CTNNA3: variants seen among roughly 807,000 people sequenced by gnomAD.
The protein encoded by CTNNA3 is catenin alpha-3.
Under a neutral mutation model 95.7 loss-of-function variants are expected in CTNNA3, and 76 were observed. That is an observed-to-expected ratio of 0.79 (90% CI 0.66 to 0.96). The LOEUF (loss-of-function observed/expected upper bound fraction) is 0.96, where lower values mean the gene tolerates loss of function less well. Ranked by LOEUF, CTNNA3 falls within the 40% of genes least tolerant of loss-of-function variation. The pLI is 0.00. For missense variants in CTNNA3, 1,191 were observed against 1,089.8 expected, an observed-to-expected ratio of 1.09 and a Z score of -1.31; for synonymous variants, 431 against 374.4, an observed-to-expected ratio of 1.15 and a Z score of -1.74.
At chr10:66,298,872 A>AT (rs2091821229) in intron 12 of CTNNA3, among the ~76,000 whole-genome samples, 1 of 152,206 alleles carries the variant, frequency 6.6e-6, no homozygotes, top group African/African-American at 2.4e-5. Flanking sequence ...CGAAAGGAAA[A>AT]TAAATCTTGG....
At chr10:67,643,524 C>G (rs1197530515) in intron 2 of CTNNA3, among the ~76,000 whole-genome samples, 3 of 151,834 alleles carry the variant, frequency 2.0e-5, no homozygotes, top group Admixed American at 2.0e-4. Context: ...TTCAAATAAA[C>G]AGGTTACTCT....
chr10:67,694,286 T>C (rs965158722), intron 1 of CTNNA3, among the ~76,000 whole-genome samples: 1 of 152,000 alleles, frequency 6.6e-6, no homozygotes, highest in African/African-American at 2.4e-5. Context: ...AGAGATTCCA[T>C]CCTTCTAAAC....
chr10:67,760,417 C>G (rs1841456217), intron 1 of CTNNA3, among the ~76,000 whole-genome samples: 1 of 152,130 alleles, frequency 6.6e-6, no homozygotes, highest in African/African-American at 2.4e-5. Flanking sequence ...AAGTTATACC[C>G]CTGTCTGCCA....
chr10:66,635,037 G>C (rs951810891), intron 9 of CTNNA3, among the ~76,000 whole-genome samples: 1 of 152,004 alleles, frequency 6.6e-6, no homozygotes, highest in Non-Finnish European at 1.5e-5. Flanking sequence ...ATATATAACT[G>C]TAAATGGACA....
chr10:66,437,018 C>T (rs575070288), intron 11 of CTNNA3, among the ~76,000 whole-genome samples: 1 of 152,092 alleles, frequency 6.6e-6, no homozygotes, highest in African/African-American at 2.4e-5. Flanking sequence ...TATCAGCCCC[C>T]ACCCTCTTCT....
At chr10:66,499,589 C>A (rs913022517) in intron 11 of CTNNA3, among the ~76,000 whole-genome samples, 1 of 152,044 alleles carries the variant, frequency 6.6e-6, no homozygotes. Context: ...TAATAGAGAA[C>A]AATAGGCTGA....
At chr10:66,610,612 T>G (rs1052943456) in intron 10 of CTNNA3, among the ~76,000 whole-genome samples, 3 of 152,092 alleles carry the variant, frequency 2.0e-5, no homozygotes, top group Non-Finnish European at 4.4e-5. Flanking sequence ...ATAGCTATTA[T>G]TAAAAGGACA....
At chr10:66,186,276 A>ATGTG (rs1377299893) in intron 13 of CTNNA3, among the ~76,000 whole-genome samples, 1 of 111,846 alleles carries the variant, frequency 8.9e-6, no homozygotes, top group South Asian at 4.0e-4. Context: ...ACAAAATAAA[A>ATGTG]TGTGAGTGTG....
chr10:66,753,290 G>A (rs1264820943), intron 9 of CTNNA3, among the ~76,000 whole-genome samples: 1 of 152,104 alleles, frequency 6.6e-6, no homozygotes, highest in Admixed American at 6.6e-5. Flanking sequence ...TGTATATACA[G>A]CCCTTTCATG....
At chr10:67,389,016 A>C (rs1844326146) in intron 5 of CTNNA3, among the ~76,000 whole-genome samples, 1 of 151,628 alleles carries the variant, frequency 6.6e-6, no homozygotes, top group South Asian at 2.1e-4. Flanking sequence ...CGAGCAAAAT[A>C]ACCAGCTAAC....
intron 7 of CTNNA3, among the ~76,000 whole-genome samples, chr10:66,836,859 C>T (rs895535138): frequency 1.3e-5 from 2 of 151,960 alleles, no homozygotes; most frequent in African/African-American, 4.8e-5. Context: ...TGTGTTGCCT[C>T]GGTGAAATCA....
chr10:66,926,678 A>G, intron 7 of CTNNA3: 1 of 1,430,154 alleles, frequency 7.0e-7, no homozygotes, highest in Non-Finnish European at 9.8e-7. Flanking sequence ...ATTATTTTAG[A>G]GATTACCTTG....
intron 5 of CTNNA3, among the ~76,000 whole-genome samples, chr10:67,431,242 T>C (rs551073370): frequency 1.8e-4 from 28 of 152,132 alleles, no homozygotes; most frequent in Admixed American, 1.4e-3. Flanking sequence ...GGATGGTGGT[T>C]ATCAGTGCAG....
intron 7 of CTNNA3, among the ~76,000 whole-genome samples, chr10:67,075,343 A>T (rs79728238): frequency 0.055 from 8,340 of 152,276 alleles, 334 homozygotes; most frequent in South Asian, 0.19. Flanking sequence ...AAGAACAAGT[A>T]TTTCATTCCA....
At chr10:66,482,889 T>C (rs1253332286) in intron 11 of CTNNA3, among the ~76,000 whole-genome samples, 2 of 152,098 alleles carry the variant, frequency 1.3e-5, no homozygotes, top group Admixed American at 6.5e-5. Flanking sequence ...AATGTGGGAA[T>C]TAAGGAGGAG....
At chr10:66,624,035 G>C (rs1186242488) in intron 9 of CTNNA3, among the ~76,000 whole-genome samples, 4 of 152,236 alleles carry the variant, frequency 2.6e-5, no homozygotes, top group Middle Eastern at 3.4e-3. Flanking sequence ...AATAGTTTTA[G>C]ATATTTGGAC....
intron 1 of CTNNA3, among the ~76,000 whole-genome samples, chr10:67,706,903 C>G (rs1160328168): frequency 6.6e-6 from 1 of 152,188 alleles, no homozygotes; most frequent in Non-Finnish European, 1.5e-5. Context: ...ACACTTCAAA[C>G]TTGATATGTC....
chr10:66,860,271 T>C (rs1485726974), intron 7 of CTNNA3, among the ~76,000 whole-genome samples: 1 of 152,150 alleles, frequency 6.6e-6, no homozygotes, highest in East Asian at 1.9e-4. Context: ...TGGCAGAATT[T>C]CTTGCCAAAA....
At chr10:67,617,783 C>A (rs566316361) in intron 2 of CTNNA3, among the ~76,000 whole-genome samples, 5 of 134,150 alleles carry the variant, frequency 3.7e-5, no homozygotes, top group African/African-American at 1.1e-4. Flanking sequence ...TTTTTTTTTA[C>A]TTTTTAATAA....
Sources: allele counts gnomAD v4.1 joint callset (sites outside exome capture counted in the v4.1 genomes callset), GRCh38; gene constraint gnomAD v4.1.1; transcripts MANE v1.5; gene names NCBI Gene and HGNC (gene_info 2026-07-23, HGNC 2026-07-21).